Variants in GALNTL6 observed in about 807,000 individuals in gnomAD.
The protein encoded by GALNTL6 is polypeptide N-acetylgalactosaminyltransferase-like 6.
Under a neutral mutation model 73.7 loss-of-function variants are expected in GALNTL6, and 46 were observed. The ratio of observed to expected loss-of-function variants is 0.62; its 90% CI spans 0.49 to 0.80. The LOEUF is 0.80. GALNTL6 is among the 30% of genes least tolerant of loss of function. GALNTL6 has a pLI of 0.00. For missense variants in GALNTL6, 604 were observed against 755.0 expected (o/e 0.80, Z 2.34); for synonymous variants, 259 against 263.7 (o/e 0.98, Z 0.17).
intron 9 of GALNTL6, 134 bp downstream of exon 9, chr4:172,931,402 T>A: frequency 1.5e-6 from 1 of 646,066 alleles, no homozygotes. Context: ...CAGAGTCTTA[T>A]TTCCATTGCT....
At chr4:172,095,921 A>G in intron 2 of GALNTL6, among the ~76,000 whole-genome samples, 1 of 152,008 alleles carries the variant, frequency 6.6e-6, no homozygotes, top group African/African-American at 2.4e-5. Context: ...TATTATTTTG[A>G]AATTGGGAAA....
chr4:172,259,368 C>CT lies in GALNTL6; in HGVS notation c.247+29611dup, dbSNP rs1206646369. Among the ~76,000 whole-genome samples the CT allele has an allele frequency of 2.0e-5, 3 of 149,886 alleles. No homozygotes were observed. The South Asian group carries it at 6.2e-4, about 31-fold the overall frequency. On this transcript the variant is annotated intron_variant, in intron 3 of 12. Transcript: ENST00000506823. ...TACCCTAATAGTTAATGATGTTGAG[C>CT]TTTTTTTATGTTTGTCGGCCATTCG...
chr4:171,869,203 C>T (rs1016796687), intron 2 of GALNTL6, among the ~76,000 whole-genome samples: 1 of 152,168 alleles, frequency 6.6e-6, no homozygotes, highest in East Asian at 1.9e-4. Context: ...ATCACAGGGC[C>T]AGGCTCTGTT....
intron 8 of GALNTL6, among the ~76,000 whole-genome samples, chr4:172,888,318 A>C (rs956963846): frequency 6.6e-6 from 1 of 152,202 alleles, no homozygotes; most frequent in African/African-American, 2.4e-5. Context: ...TTATAGCTTA[A>C]GGTCTTACAT....
intron 5 of GALNTL6, among the ~76,000 whole-genome samples, chr4:172,741,972 G>A (rs1366512269): frequency 2.6e-5 from 4 of 151,376 alleles, no homozygotes; most frequent in African/African-American, 4.8e-5. Context: ...AAATAAGAAC[G>A]AATAAAAATA....
chr4:172,735,553 G>A (rs552504662), intron 5 of GALNTL6, among the ~76,000 whole-genome samples: 127 of 152,230 alleles, frequency 8.3e-4, no homozygotes, highest in African/African-American at 2.9e-3. Flanking sequence ...TTGAGTTAAC[G>A]CTAAAATGAT....
chr4:172,380,538 T>G, intron 5 of GALNTL6: 1 of 361,916 alleles, frequency 2.8e-6, no homozygotes, highest in Non-Finnish European at 5.5e-6. Context: ...AGTTTATATA[T>G]CCTTGTTTTC....
intron 11 of GALNTL6, among the ~76,000 whole-genome samples, chr4:173,018,441 T>G (rs1293285124): frequency 6.6e-6 from 1 of 152,238 alleles, no homozygotes; most frequent in Non-Finnish European, 1.5e-5. Context: ...TGAGGATCTA[T>G]TGTGTGTCAT....
intron 2 of GALNTL6, among the ~76,000 whole-genome samples, chr4:171,993,753 G>A (rs1413862194): frequency 6.6e-6 from 1 of 151,752 alleles, no homozygotes; most frequent in Non-Finnish European, 1.5e-5. Flanking sequence ...AGGCAAAAAG[G>A]AGAGTGCTGG....
intron 2 of GALNTL6, among the ~76,000 whole-genome samples, chr4:172,093,603 G>A (rs1732269650): frequency 6.6e-6 from 1 of 152,120 alleles, no homozygotes; most frequent in African/African-American, 2.4e-5. Flanking sequence ...AGCTTCATCT[G>A]TACTTACAGC....
At chr4:171,946,807 T>A (rs1360591926) in intron 2 of GALNTL6, among the ~76,000 whole-genome samples, 1 of 151,448 alleles carries the variant, frequency 6.6e-6, no homozygotes, top group Non-Finnish European at 1.5e-5. Context: ...GGATTTGGCA[T>A]GTTAGAGGGA....
In GALNTL6 at chr4:172,806,325, T is replaced by C. The variant is rs1232911032; in HGVS notation, c.554-3036T>C. 2.0e-5 allele frequency among the ~76,000 whole-genome samples: 3 copies of C among 152,224 alleles called. No homozygotes were observed. The South Asian group carries it at 6.2e-4, about 31-fold the overall frequency. Reference sequence around the variant, plus strand: ...CCCCTTATGCTTAGTGAATTCACACTAAACAATCTTTTTAGTAAATTAAAA... The same window carrying C: ...CCCCTTATGCTTAGTGAATTCACACCAAACAATCTTTTTAGTAAATTAAAA... On this transcript the variant is annotated intron_variant, in intron 5 of 12. Coordinates refer to ENST00000506823, the MANE Select transcript of GALNTL6 (RefSeq NM_001034845.3).
intron 4 of GALNTL6, among the ~76,000 whole-genome samples, chr4:172,314,943 C>G (rs968336061): frequency 2.0e-5 from 3 of 152,002 alleles, no homozygotes; most frequent in Admixed American, 6.5e-5. Context: ...TTTTCTGATT[C>G]ATTTCTTCAC....
intron 2 of GALNTL6, among the ~76,000 whole-genome samples, chr4:171,876,297 G>A (rs1307063867): frequency 6.6e-6 from 1 of 152,020 alleles, no homozygotes; most frequent in Non-Finnish European, 1.5e-5. Context: ...CTTAATTAAC[G>A]ACACTATAAT....
chr4:172,091,763 A>C (rs1240207750), intron 2 of GALNTL6, among the ~76,000 whole-genome samples: 1 of 152,198 alleles, frequency 6.6e-6, no homozygotes, highest in Non-Finnish European at 1.5e-5. Flanking sequence ...GTGAAAGGTA[A>C]ATGTTTTAAT....
intron 5 of GALNTL6, among the ~76,000 whole-genome samples, chr4:172,442,063 A>G (rs1277613889): frequency 6.6e-6 from 1 of 152,182 alleles, no homozygotes; most frequent in Non-Finnish European, 1.5e-5. Flanking sequence ...TATATATTAA[A>G]TAATGCATTT....
At chr4:172,899,820 C>T (rs1436849747) in intron 8 of GALNTL6, among the ~76,000 whole-genome samples, 2 of 152,190 alleles carry the variant, frequency 1.3e-5, no homozygotes, top group South Asian at 4.1e-4. Flanking sequence ...TTATTCGCGC[C>T]TCCCCTTTTT....
At chr4:171,960,657 A>T (rs569795721) in intron 2 of GALNTL6, among the ~76,000 whole-genome samples, 2,700 of 147,710 alleles carry the variant, frequency 0.018, 62 homozygotes, top group African/African-American at 0.057. Context: ...AAATTTTTTT[A>T]AAAAAACTCA....
intron 5 of GALNTL6, among the ~76,000 whole-genome samples, chr4:172,377,030 C>T (rs1025254977): frequency 6.6e-6 from 1 of 152,030 alleles, no homozygotes; most frequent in South Asian, 2.1e-4. Flanking sequence ...TTGTGAAGAG[C>T]GAAAGAACAA....
Sources: gnomAD v4.1 joint callset for allele counts (sites outside exome capture counted in the v4.1 genomes callset) on GRCh38, gnomAD v4.1.1 for gene constraint, MANE v1.5 for transcripts, NCBI Gene and HGNC (gene_info 2026-07-23, HGNC 2026-07-21) for gene names.